MAF: variants seen among roughly 807,000 people sequenced by gnomAD.
The protein encoded by MAF is transcription factor Maf.
MAF carries 10 observed loss-of-function variants against 22.0 expected under a neutral mutation model. The ratio of observed to expected loss-of-function variants is 0.45; its 90% CI spans 0.28 to 0.77. The LOEUF is 0.77. Ranked by LOEUF, MAF falls within the 30% of genes least tolerant of loss-of-function variation. The pLI, the probability that MAF is intolerant of heterozygous loss-of-function variation, is 0.12. For missense variants in MAF, 544 were observed against 548.4 expected (o/e 0.99, Z 0.08); for synonymous variants, 337 against 255.8 (o/e 1.32, Z -3.03).
At chr16:79,218,457 G>A in the MAF span, among the ~76,000 whole-genome samples, 7 of 152,148 alleles carry the variant, frequency 4.6e-5, no homozygotes, top group Non-Finnish European at 8.8e-5. Context: ...CCTTTGTAGA[G>A]CGTAGAACTG....
At chr16:79,310,157 T>C in the MAF span, among the ~76,000 whole-genome samples, 6 of 152,174 alleles carry the variant, frequency 3.9e-5, no homozygotes, top group African/African-American at 1.4e-4. Context: ...CTTAGTGTCA[T>C]TGGCACAAGG....
chr16:79,305,836 C>T, the MAF span, among the ~76,000 whole-genome samples: 2 of 152,314 alleles, frequency 1.3e-5, no homozygotes, highest in South Asian at 4.1e-4. Flanking sequence ...GGGAGAATCA[C>T]GTTGCCAGAC....
the MAF span, among the ~76,000 whole-genome samples, chr16:79,557,387 G>C: frequency 4.6e-5 from 7 of 151,980 alleles, no homozygotes; most frequent in South Asian, 2.1e-4. Context: ...AGACTTTCAG[G>C]TGTAGAGGGG....
chr16:79,303,328 T>A, the MAF span, among the ~76,000 whole-genome samples: 12 of 152,324 alleles, frequency 7.9e-5, no homozygotes, highest in Middle Eastern at 3.4e-3. Context: ...ACCAGGCAGA[T>A]AAATAGCAGG....
intron 1 of MAF, chr16:79,595,124 G>C (rs1483702393): frequency 1.5e-6 from 1 of 674,550 alleles, no homozygotes; most frequent in Non-Finnish European, 1.8e-6. Flanking sequence ...TTGTGATGAG[G>C]AAAAAAAAAA....
At chr16:79,410,548 G>A in the MAF span, among the ~76,000 whole-genome samples, 1 of 152,284 alleles carries the variant, frequency 6.6e-6, no homozygotes, top group East Asian at 1.9e-4. Flanking sequence ...TACATATGTG[G>A]AAGGAAATAC....
the MAF span, among the ~76,000 whole-genome samples, chr16:79,386,370 T>C: frequency 6.6e-6 from 1 of 152,172 alleles, no homozygotes; most frequent in Non-Finnish European, 1.5e-5. Context: ...ATAAGGAACA[T>C]GTAACCCAGA....
At chr16:79,518,314 G>C in the MAF span, among the ~76,000 whole-genome samples, 1 of 152,222 alleles carries the variant, frequency 6.6e-6, no homozygotes, top group East Asian at 1.9e-4. Context: ...CCATTCGATG[G>C]CTTGCCTGGG....
At chr16:79,243,755 C>G in the MAF span, among the ~76,000 whole-genome samples, 1 of 151,882 alleles carries the variant, frequency 6.6e-6, no homozygotes, top group Admixed American at 6.6e-5. Flanking sequence ...CTGGCAGAGA[C>G]ACAACAAAAA....
At chr16:79,386,097 A>C in the MAF span, among the ~76,000 whole-genome samples, 2 of 151,996 alleles carry the variant, frequency 1.3e-5, no homozygotes, top group East Asian at 1.9e-4. Flanking sequence ...GCAGTCCCCA[A>C]CCTTTTTGGC....
the MAF span, among the ~76,000 whole-genome samples, chr16:79,333,694 G>A: frequency 6.6e-6 from 1 of 152,160 alleles, no homozygotes; most frequent in Admixed American, 6.5e-5. Flanking sequence ...ATCTCTCCTG[G>A]ATCTAGTGAT....
At chr16:79,358,035 C>T in the MAF span, among the ~76,000 whole-genome samples, 2 of 152,222 alleles carry the variant, frequency 1.3e-5, no homozygotes, top group African/African-American at 4.8e-5. Context: ...ACCACTTTGC[C>T]ACCAAGCAGT....
At chr16:79,308,747 CACAGTTGCAGAGCTAGA>C in the MAF span, among the ~76,000 whole-genome samples, 2 of 152,262 alleles carry the variant, frequency 1.3e-5, no homozygotes, top group Admixed American at 1.3e-4. Flanking sequence ...TCAACTTTCC[CACAGTTGCAGAGCTAGA>C]AAGTTGCAGA....
At chr16:79,289,225 G>C in the MAF span, among the ~76,000 whole-genome samples, 72 of 152,270 alleles carry the variant, frequency 4.7e-4, no homozygotes, top group African/African-American at 1.7e-3. Flanking sequence ...TGTTTCAAAA[G>C]TGCTCTGGCA....
At chr16:79,258,955 G>A in the MAF span, among the ~76,000 whole-genome samples, 1 of 152,110 alleles carries the variant, frequency 6.6e-6, no homozygotes, top group Non-Finnish European at 1.5e-5. Flanking sequence ...TCCATTTATT[G>A]GAGGGTCCCA....
At chr16:79,392,800 G>C in the MAF span, among the ~76,000 whole-genome samples, 2 of 152,238 alleles carry the variant, frequency 1.3e-5, no homozygotes, top group African/African-American at 4.8e-5. Flanking sequence ...CCTTTGGCAT[G>C]TGAGAACCCT....
downstream of MAF, among the ~76,000 whole-genome samples, chr16:79,593,292 T>C (rs1913293496): frequency 6.6e-6 from 1 of 152,134 alleles, no homozygotes; most frequent in African/African-American, 2.4e-5. Context: ...CCTTTGAACG[T>C]GTCATAGGCA....
chr16:79,513,751 C>G, the MAF span, among the ~76,000 whole-genome samples: 1 of 152,172 alleles, frequency 6.6e-6, no homozygotes, highest in Non-Finnish European at 1.5e-5. Flanking sequence ...TTTAAAAGCG[C>G]TTAGCTGAGA....
chr16:79,511,112 G>C, the MAF span, among the ~76,000 whole-genome samples: 14 of 152,226 alleles, frequency 9.2e-5, no homozygotes, highest in African/African-American at 3.4e-4. Context: ...TGGCGGGGTG[G>C]TGATTTTTCT....
Sources: gnomAD v4.1 joint callset for allele counts (sites outside exome capture counted in the v4.1 genomes callset) on GRCh38, gnomAD v4.1.1 for gene constraint, MANE v1.5 for transcripts, NCBI Gene and HGNC (gene_info 2026-07-23, HGNC 2026-07-21) for gene names.